The following CPB1 variants were observed in gnomAD, a reference collection of about 807,000 sequenced individuals.
The protein encoded by CPB1 is carboxypeptidase B1, also known as carboxypeptidase B.
CPB1 carries 53 observed loss-of-function variants against 51.4 expected under a neutral mutation model. The ratio of observed to expected loss-of-function variants is 1.03; its 90% CI spans 0.83 to 1.30. The LOEUF (loss-of-function observed/expected upper bound fraction) is 1.30. Among genes scored for constraint, CPB1 ranks in the 50% most tolerant of loss-of-function variants. The pLI, the probability that CPB1 is intolerant of heterozygous loss-of-function variation, is 0.00. For synonymous variants in CPB1, 189 were observed against 186.9 expected, an observed-to-expected ratio of 1.01 and a Z score of -0.09; for missense variants, 494 against 516.2, an observed-to-expected ratio of 0.96 and a Z score of 0.42.
At chr3:148,834,140 A>T (rs1379237747) in intron 2 of CPB1, among the ~76,000 whole-genome samples, 2 of 152,214 alleles carry the variant, frequency 1.3e-5, no homozygotes, top group African/African-American at 4.8e-5. Context: ...TTCATCATTC[A>T]TCTGGCACAT....
intron 9 of CPB1, among the ~76,000 whole-genome samples, chr3:148,853,531 C>T (rs1713492040): frequency 6.6e-6 from 1 of 152,156 alleles, no homozygotes; most frequent in South Asian, 2.1e-4. Flanking sequence ...AGGACCAAGG[C>T]CTCATTTTGA....
At chr3:148,836,334 T>C (rs1327222382) in intron 3 of CPB1, among the ~76,000 whole-genome samples, 1 of 152,182 alleles carries the variant, frequency 6.6e-6, no homozygotes, top group African/African-American at 2.4e-5. Context: ...TTAAGATTCA[T>C]GTCTATAACA....
At chr3:148,841,993 C>A in intron 6 of CPB1, 69 bp downstream of exon 6, 1 of 1,180,028 alleles carries the variant, frequency 8.5e-7, no homozygotes, top group Non-Finnish European at 1.2e-6. Context: ...TCCTTAAAAC[C>A]TAGAGAGAAT....
chr3:148,845,486 A>C lies in CPB1; in HGVS notation c.841A>C (p.Lys281Gln). The C allele has an allele frequency of 1.2e-6, 2 of 1,613,950 alleles. No homozygotes were observed. Among genetic ancestry groups the C allele is most frequent in the Non-Finnish European group, 1.7e-6 (2 of 1,179,870 alleles). ...CTGTGGACCTGCCGCAGAGTCTGAA[A>C]AGGAGACCAAGGCCCTGGCTGATTT... ...TYCGPAAESE[K>Q]ETKALADFIR... Residue 281 changes from lysine (K) to glutamine (Q), a missense_variant, in exon 9 of 11, where the codon AAG (lysine) becomes CAG (glutamine). Transcript: ENST00000282957.
chr3:148,844,605 T>G lies in CPB1; in HGVS notation c.687+17T>G. 6.2e-7 allele frequency: 1 copy of G among 1,611,498 alleles called. No individual in the cohort carries two copies. The highest frequency in any genetic ancestry group is 8.5e-7 in the Non-Finnish European group (1 of 1,177,692). On this transcript the variant is annotated intron_variant, in intron 7 of 10. Coordinates refer to ENST00000282957, the MANE Select transcript of CPB1 (RefSeq NM_001871.3). ...TGGACCAAGGTATATGCACCAATAC[T>G]GAGAGAGGCTGATGAAATTAAAACC... is the stretch of plus-strand genomic sequence containing the variant.
intron 9 of CPB1, among the ~76,000 whole-genome samples, chr3:148,853,170 C>T (rs1713480829): frequency 6.6e-6 from 1 of 152,142 alleles, no homozygotes; most frequent in Non-Finnish European, 1.5e-5. Flanking sequence ...AAACAAAGTT[C>T]TACAGAAAAT....
At chr3:148,838,992 A>AATCCC (rs6148125) in intron 3 of CPB1, among the ~76,000 whole-genome samples, 1 of 151,888 alleles carries the variant, frequency 6.6e-6, no homozygotes, top group Non-Finnish European at 1.5e-5. Context: ...AAAAAACTCT[A>AATCCC]CAGAACATGT....
intron 9 of CPB1, among the ~76,000 whole-genome samples, 155 bp downstream of exon 9, chr3:148,845,781 T>A (rs3765132): frequency 0.24 from 37,058 of 152,060 alleles, 4,632 homozygotes; most frequent in African/African-American, 0.31. Context: ...TTATAAGGAA[T>A]CTGGAGTTGG....
chr3:148,838,740 G>T (rs1430611086), intron 3 of CPB1, among the ~76,000 whole-genome samples: 1 of 152,088 alleles, frequency 6.6e-6, no homozygotes, highest in Non-Finnish European at 1.5e-5. Flanking sequence ...AAGGATGTTG[G>T]ATATTTACTA....
In CPB1 at chr3:148,841,417, A is replaced by G. The variant is rs1010236012; in HGVS notation, c.475-406A>G. On this transcript the variant is annotated intron_variant, in intron 5 of 10. Transcript: ENST00000282957. ...ATTCTAATGAAGGAAATAAAAAGACAGGGAATAAGTGAGAGAGTAGTAAAA... is the reference window on the plus strand; with the variant it reads ...ATTCTAATGAAGGAAATAAAAAGACGGGGAATAAGTGAGAGAGTAGTAAAA... Among the ~76,000 whole-genome samples, 13 of 152,338 alleles carry G rather than the reference A, an allele frequency of 8.5e-5. No homozygotes were observed. In the South Asian group the frequency reaches 2.5e-3, roughly 29 times the overall value.
chr3:148,859,908 T>C lies in CPB1; in HGVS notation c.1160T>C (p.Phe387Ser). The C allele has an allele frequency of 1.2e-6, 2 of 1,614,184 alleles. No individual in the cohort carries two copies. The highest frequency in any genetic ancestry group is 8.5e-7 in the Non-Finnish European group (1 of 1,180,028). The change falls in exon 11 of 11, where the codon TTT becomes TCT. Residue 387 changes from phenylalanine (F) to serine (S), a missense_variant. Phe to Ser is a radical substitution (Grantham distance 155, BLOSUM62 -2). Transcript: ENST00000282957. The part of the protein sequence containing the change: ...FELRDTGRYG[F>S]LLPESQIRAT... ...CTTCGAGATACAGGCAGATATGGCT[T>C]TCTCCTTCCAGAATCCCAGATCCGG...
rs537434853 is a variant in CPB1 at position 148,855,990 on chromosome 3, G to C, written c.982-1467G>C. On this transcript the variant is annotated intron_variant, in intron 9 of 10. Transcript: ENST00000282957. ...ATTATGTAATGTTTAACTGGTTCTG[G>C]TTTCAATTGGCAGTGGAACCTAAGG... The C allele has an allele frequency of 2.0e-5, 3 of 152,284 alleles. No homozygotes were observed. In the East Asian group the frequency reaches 5.8e-4, roughly 29 times the overall value. The allele number at this position is 152,284 out of a possible 1,614,324, so 9.4% of individuals were successfully genotyped here. A position where few individuals can be genotyped will look rare whatever the true frequency, so the allele number is the denominator to read the frequency against.
At position 148,859,830 on chromosome 3, in the gene CPB1, G is replaced by T; in HGVS notation, c.1082G>T (p.Gly361Val). The change falls in exon 11 of 11, where the codon GGC (glycine) becomes GTC (valine). Residue 361 changes from glycine to valine, a missense_variant. Physicochemically the swap from Gly to Val is moderately radical, Grantham distance 109. Coordinates refer to ENST00000282957, the MANE Select transcript of CPB1 (RefSeq NM_001871.3). ...GATTIYPAAGGSDDWAYDQGI... is the reference protein window; with the variant it reads ...GATTIYPAAGVSDDWAYDQGI... The stretch of plus-strand genomic sequence containing the variant: ...CACATTTCAGATCCTGCTGCTGGGG[G>T]CTCTGACGACTGGGCTTATGACCAA... 3.1e-6 allele frequency: 5 copies of T among 1,612,866 alleles called. No homozygotes were observed. Among genetic ancestry groups the T allele is most frequent in the African/African-American group, 1.3e-5 (1 of 74,958 alleles).
chr3:148,850,498 T>G (rs1012940799), intron 9 of CPB1, among the ~76,000 whole-genome samples: 1 of 151,994 alleles, frequency 6.6e-6, no homozygotes, highest in Non-Finnish European at 1.5e-5. Flanking sequence ...GAGATGGGGT[T>G]TCACCGTGTT....
Position 148,859,695 on chromosome 3 carries a change from A to T in CPB1, c.1067-120A>T. 6.8e-6 allele frequency: 6 copies of T among 880,472 alleles called. 1 individual carries two copies. In the South Asian group the frequency reaches 1.2e-4, roughly 18 times the overall value. 54.5% of individuals were successfully genotyped at this position (880,472 alleles called of 1,614,324 possible). On this transcript the variant is annotated intron_variant, in intron 10 of 10. Transcript: ENST00000282957. ...CATTTATGATCCAGTTTACTAGAAA[A>T]TTGGCCTACTCAAAATATTTTGCAC...
At chr3:148,855,159 C>G (rs747455137) in intron 9 of CPB1, 4 of 152,048 alleles carry the variant, frequency 2.6e-5, no homozygotes, top group East Asian at 1.9e-4. Flanking sequence ...ATAGAGCCAT[C>G]GAAGACGTGG....
chr3:148,852,351 G>A (rs986710672), intron 9 of CPB1, among the ~76,000 whole-genome samples: 2 of 151,710 alleles, frequency 1.3e-5, no homozygotes, highest in Admixed American at 6.6e-5. Context: ...CATAACTGTC[G>A]AGCTCTACTG....
chr3:148,831,508 T>G (rs1415843410), intron 2 of CPB1, among the ~76,000 whole-genome samples: 1 of 152,198 alleles, frequency 6.6e-6, no homozygotes, highest in East Asian at 1.9e-4. Flanking sequence ...ACACCAATAT[T>G]TATTTTTTTA....
At chr3:148,852,269 T>C (rs1713454886) in intron 9 of CPB1, among the ~76,000 whole-genome samples, 1 of 152,216 alleles carries the variant, frequency 6.6e-6, no homozygotes, top group South Asian at 2.1e-4. Context: ...CCATTTCAAC[T>C]AATTTTGCCC....
Sources: gnomAD v4.1 joint callset for allele counts (sites outside exome capture counted in the v4.1 genomes callset) on GRCh38, gnomAD v4.1.1 for gene constraint, MANE v1.5 for transcripts, NCBI Gene and HGNC (gene_info 2026-07-23, HGNC 2026-07-21) for gene names.